Variants in KCTD16 observed in about 807,000 individuals in gnomAD.
The protein encoded by KCTD16 is BTB/POZ domain-containing protein KCTD16.
A neutral mutation model predicts 33.2 loss-of-function variants in KCTD16; 13 were observed. That is an observed-to-expected ratio of 0.39 (90% confidence interval 0.25 to 0.62). KCTD16 has a LOEUF of 0.62. Ranked by LOEUF, KCTD16 falls within the 20% of genes least tolerant of loss-of-function variation. KCTD16 has a pLI of 0.50. For synonymous variants in KCTD16, 197 were observed against 195.3 expected (o/e 1.01, Z -0.07); for missense variants, 441 against 525.1 (o/e 0.84, Z 1.57).
intron 3 of KCTD16, among the ~76,000 whole-genome samples, chr5:144,387,829 C>T (rs996156002): frequency 6.6e-6 from 1 of 152,102 alleles, no homozygotes; most frequent in Non-Finnish European, 1.5e-5. Context: ...GGCACTTTAG[C>T]AACAACCCTA....
chr5:144,467,322 C>T (rs902439494), intron 3 of KCTD16, among the ~76,000 whole-genome samples: 8 of 151,890 alleles, frequency 5.3e-5, no homozygotes, highest in Non-Finnish European at 8.8e-5. Context: ...CTCTGTCACA[C>T]ACACATTCAC....
intron 3 of KCTD16, among the ~76,000 whole-genome samples, chr5:144,368,929 C>T (rs947978813): frequency 3.3e-5 from 5 of 152,146 alleles, no homozygotes; most frequent in Non-Finnish European, 5.9e-5. Context: ...ATCCAGAACT[C>T]GAACCCAGAT....
chr5:144,312,875 A>G (rs1474045678), intron 3 of KCTD16, among the ~76,000 whole-genome samples: 1 of 152,218 alleles, frequency 6.6e-6, no homozygotes, highest in Non-Finnish European at 1.5e-5. Context: ...CAAGGTGAAG[A>G]AAACTTGTTT....
At chr5:144,176,677 C>G (rs1474874607) in intron 2 of KCTD16, among the ~76,000 whole-genome samples, 2 of 152,106 alleles carry the variant, frequency 1.3e-5, no homozygotes, top group African/African-American at 4.8e-5. Context: ...GCTGGGATTA[C>G]AGGCGTGAGC....
chr5:144,440,309 G>A (rs1202604039), intron 3 of KCTD16, among the ~76,000 whole-genome samples: 1 of 152,242 alleles, frequency 6.6e-6, no homozygotes, highest in Non-Finnish European at 1.5e-5. Context: ...AATTCACTAT[G>A]CGCCATCGTC....
intron 3 of KCTD16, among the ~76,000 whole-genome samples, chr5:144,335,449 C>A (rs980849732): frequency 6.6e-5 from 10 of 152,210 alleles, no homozygotes; most frequent in Admixed American, 6.5e-4. Context: ...GTTCAATGAC[C>A]ATATATTGGA....
intron 3 of KCTD16, among the ~76,000 whole-genome samples, chr5:144,208,844 T>C (rs1298895466): frequency 6.6e-6 from 1 of 152,234 alleles, no homozygotes; most frequent in Admixed American, 6.5e-5. Context: ...AGGAGTATAT[T>C]GATGTGCGAT....
intron 3 of KCTD16, among the ~76,000 whole-genome samples, chr5:144,336,819 C>G (rs1227106870): frequency 1.3e-5 from 2 of 152,012 alleles, no homozygotes. Flanking sequence ...ACACATCATA[C>G]CCACACACAA....
intron 3 of KCTD16, among the ~76,000 whole-genome samples, chr5:144,225,462 A>G (rs1452070114): frequency 6.6e-6 from 1 of 152,138 alleles, no homozygotes. Flanking sequence ...ATTTCATAGT[A>G]CAAAAAAGAT....
chr5:144,243,859 T>C (rs565684649), intron 3 of KCTD16, among the ~76,000 whole-genome samples: 18 of 152,272 alleles, frequency 1.2e-4, no homozygotes, highest in African/African-American at 4.3e-4. Flanking sequence ...TTCTCCTGCC[T>C]CAGCCTCCTG....
chr5:144,283,045 CT>C (rs1035889601), intron 3 of KCTD16, among the ~76,000 whole-genome samples: 2 of 152,194 alleles, frequency 1.3e-5, no homozygotes, highest in East Asian at 1.9e-4. Context: ...TTGGATTTCT[CT>C]TTTTTTCTTT....
chr5:144,434,612 C>A (rs910861618), intron 3 of KCTD16, among the ~76,000 whole-genome samples: 1 of 152,050 alleles, frequency 6.6e-6, no homozygotes, highest in African/African-American at 2.4e-5. Flanking sequence ...TGGTATGATA[C>A]AAAGGAGTTG....
Position 144,346,671 on chromosome 5 carries a change from A to G in KCTD16, c.833-126989A>G, listed in dbSNP as rs1199812248. Among the ~76,000 whole-genome samples the G allele has an allele frequency of 2.0e-5, 3 of 152,248 alleles. No homozygotes were observed. In the East Asian group the frequency reaches 5.8e-4, roughly 29 times the overall value. The stretch of plus-strand genomic sequence containing the variant: ...TTATGTCTTCTTTTGAGAAACGTCT[A>G]TTCAAATCTTTTGACCATTTTTGAT... On this transcript the variant is annotated intron_variant, in intron 3 of 3. Transcript: ENST00000512467.
At chr5:144,333,408 C>A (rs1217693851) in intron 3 of KCTD16, among the ~76,000 whole-genome samples, 1 of 152,104 alleles carries the variant, frequency 6.6e-6, no homozygotes, top group Admixed American at 6.6e-5. Flanking sequence ...TTATGTATTT[C>A]CACAATAATG....
At chr5:144,362,559 C>T (rs1194672219) in intron 3 of KCTD16, among the ~76,000 whole-genome samples, 2 of 152,050 alleles carry the variant, frequency 1.3e-5, no homozygotes, top group Non-Finnish European at 2.9e-5. Context: ...ACGATCACTA[C>T]CTTGAGGTTC....
rs60399517 is a variant in KCTD16 at position 144,409,819 on chromosome 5, AAACAAC to A, written c.833-63820_833-63815del. Among the ~76,000 whole-genome samples the A allele has an allele frequency of 6.7e-3, 1,023 of 151,994 alleles. 8 individuals are homozygous for A. Among genetic ancestry groups the A allele is most frequent in the Non-Finnish European group, 9.6e-3 (654 of 67,956 alleles). ...GCAACGAGACCGAAACTCTGTCTCA[AAACAAC>A]AACAACAACAACAACAACAAAAGAA... On this transcript the variant is annotated intron_variant, in intron 3 of 3. Transcript: ENST00000512467.
chr5:144,307,200 T>C (rs576614103), intron 3 of KCTD16, among the ~76,000 whole-genome samples: 1 of 152,342 alleles, frequency 6.6e-6, no homozygotes, highest in Non-Finnish European at 1.5e-5. Flanking sequence ...TCTATTCATC[T>C]TTGAAGGCCT....
intron 3 of KCTD16, among the ~76,000 whole-genome samples, chr5:144,410,995 A>G (rs749484107): frequency 1.3e-5 from 2 of 152,154 alleles, no homozygotes; most frequent in Non-Finnish European, 2.9e-5. Context: ...GAAAGATAAG[A>G]TCTATACCCA....
chr5:144,344,797 C>T (rs1012024962), intron 3 of KCTD16, among the ~76,000 whole-genome samples: 5 of 149,996 alleles, frequency 3.3e-5, no homozygotes, highest in African/African-American at 9.8e-5. Context: ...GTCAGTGTGG[C>T]GATTCCTCAG....
Sources: allele counts gnomAD v4.1 joint callset (sites outside exome capture counted in the v4.1 genomes callset), GRCh38; gene constraint gnomAD v4.1.1; transcripts MANE v1.5; gene names NCBI Gene and HGNC (gene_info 2026-07-23, HGNC 2026-07-21).